CDK6: variants seen among roughly 807,000 people sequenced by gnomAD.
CDK6 encodes the protein cyclin dependent kinase 6.
Under a neutral mutation model 37.1 loss-of-function variants are expected in CDK6, and 6 were observed. The ratio of observed to expected loss-of-function variants is 0.16; its 90% CI spans 0.09 to 0.32. The LOEUF (loss-of-function observed/expected upper bound fraction) is 0.32, where lower values mean the gene tolerates loss of function less well. Ranked by LOEUF, CDK6 falls within the 10% of genes least tolerant of loss-of-function variation. CDK6 has a pLI of 1.00. For synonymous variants in CDK6, 160 were observed against 161.3 expected, an observed-to-expected ratio of 0.99 and a Z score of 0.06; for missense variants, 224 against 418.9, an observed-to-expected ratio of 0.53 and a Z score of 4.06.
In CDK6 at chr7:92,614,728, C is replaced by T; in HGVS notation, c.*412G>A. On this transcript the variant is annotated 3_prime_UTR_variant, in exon 8 of 8. Coordinates refer to ENST00000424848, the MANE Select transcript of CDK6 (RefSeq NM_001145306.2). ...ACACACACACACACACACACACACA[C>T]ATGCACACACACACTCAAAAGTACC... 5 of 271,480 alleles carry T rather than the reference C, an allele frequency of 1.8e-5. No individual in the cohort carries two copies. Among genetic ancestry groups the T allele is most frequent in the South Asian group, 1.0e-4 (1 of 9,742 alleles). The allele number at this position is 271,480 out of a possible 1,614,324, so 16.8% of individuals were successfully genotyped here. A position where few individuals can be genotyped will look rare whatever the true frequency, so the allele number is the denominator to read the frequency against.
chr7:92,614,234 C>G lies in CDK6; in HGVS notation c.*906G>C. ...ACAAAAAAAGGGAAGAAAGGAATTT[C>G]AAACCAGGAAATAAAGGCTTTCTAT... On this transcript the variant is annotated 3_prime_UTR_variant, in exon 8 of 8. Transcript: ENST00000424848. 4.3e-6 allele frequency: 1 copy of G among 232,972 alleles called. No individual in the cohort carries two copies. The highest frequency in any genetic ancestry group is 8.5e-6 in the Non-Finnish European group (1 of 117,924). 14.4% of individuals were successfully genotyped at this position (232,972 alleles called of 1,614,324 possible).
rs114710799 is a variant in CDK6, at chr7:92,621,371, T to C, written c.698+1665A>G. Among the ~76,000 whole-genome samples, 293 of 152,338 alleles carry C rather than the reference T, an allele frequency of 1.9e-3. 2 individuals are homozygous for C. The highest frequency in any genetic ancestry group is 6.8e-3 in the African/African-American group (282 of 41,586). On this transcript the variant is annotated intron_variant, in intron 6 of 7. Transcript: ENST00000424848. ...GCCAAAAGCAGAACTGGCTTTTCTTTGGAAGCAGGTCAAACATGCCGGTCA... is the reference window on the plus strand; with the variant it reads ...GCCAAAAGCAGAACTGGCTTTTCTTCGGAAGCAGGTCAAACATGCCGGTCA...
Position 92,613,832 on chromosome 7 carries a change from G to A in CDK6, c.*1308C>T. The A allele has an allele frequency of 4.3e-6, 1 of 233,172 alleles. No individual in the cohort carries two copies. Among genetic ancestry groups the A allele is most frequent in the Admixed American group, 5.6e-5 (1 of 17,796 alleles). The allele number at this position is 233,172 out of a possible 1,614,324, so 14.4% of individuals were successfully genotyped here. A position where few individuals can be genotyped will look rare whatever the true frequency, so the allele number is the denominator to read the frequency against. ...TAACAAAAGTAAACACCAGGTAGAA[G>A]GACTGCATTAGAGAACATATGTGAC... On this transcript the variant is annotated 3_prime_UTR_variant, in exon 8 of 8. Coordinates refer to ENST00000424848, the MANE Select transcript of CDK6 (RefSeq NM_001145306.2).
At chr7:92,727,954 A>G (rs1174975586) in intron 3 of CDK6, among the ~76,000 whole-genome samples, 5 of 152,192 alleles carry the variant, frequency 3.3e-5, no homozygotes, top group Non-Finnish European at 5.9e-5. Context: ...TGACTAACCT[A>G]AAGTAATGTC....
chr7:92,775,570 A>G (rs1799829438), intron 2 of CDK6, among the ~76,000 whole-genome samples: 1 of 152,178 alleles, frequency 6.6e-6, no homozygotes, highest in African/African-American at 2.4e-5. Flanking sequence ...TTAAAATAAG[A>G]CAAAATTTAA....
intron 5 of CDK6, among the ~76,000 whole-genome samples, chr7:92,640,135 G>A (rs966563777): frequency 1.3e-5 from 2 of 152,186 alleles, no homozygotes; most frequent in African/African-American, 4.8e-5. Context: ...TAGCACAAGA[G>A]AGCACGCCGC....
intron 3 of CDK6, among the ~76,000 whole-genome samples, chr7:92,764,575 T>G (rs752396836): frequency 2.6e-5 from 4 of 152,192 alleles, no homozygotes; most frequent in Non-Finnish European, 5.9e-5. Context: ...TGATTTACCG[T>G]AAGAATCAAT....
Position 92,608,889 on chromosome 7 carries a change from G to A in CDK6, c.*6251C>T. On this transcript the variant is annotated 3_prime_UTR_variant, in exon 8 of 8. Transcript: ENST00000424848. ...CCTGCCAAAGGGGCGGGGCAACGAG[G>A]CAGCGCGCCCGGAAGGCTTTCAAGT... 4.3e-6 allele frequency: 1 copy of A among 232,568 alleles called. No individual in the cohort carries two copies. The highest frequency in any genetic ancestry group is 6.1e-5 in the East Asian group (1 of 16,528). The allele number at this position is 232,568 out of a possible 1,614,324, so 14.4% of individuals were successfully genotyped here.
At chr7:92,747,891 C>T (rs1260540215) in intron 3 of CDK6, among the ~76,000 whole-genome samples, 3 of 152,056 alleles carry the variant, frequency 2.0e-5, no homozygotes, top group Non-Finnish European at 4.4e-5. Context: ...TTTCTTGTTC[C>T]CATATAAAGC....
intron 2 of CDK6, among the ~76,000 whole-genome samples, chr7:92,812,628 G>A (rs940174818): frequency 1.6e-4 from 24 of 152,066 alleles, no homozygotes; most frequent in African/African-American, 5.5e-4. Flanking sequence ...GTCTCACTAC[G>A]TTGCCCAGGC....
chr7:92,767,872 T>C (rs928691318), intron 3 of CDK6, among the ~76,000 whole-genome samples: 2 of 152,236 alleles, frequency 1.3e-5, no homozygotes, highest in Admixed American at 1.3e-4. Context: ...ATAGGTCACA[T>C]TCCTGGTAAA....
intron 5 of CDK6, among the ~76,000 whole-genome samples, chr7:92,646,988 G>A (rs1349517030): frequency 6.6e-6 from 1 of 152,166 alleles, no homozygotes; most frequent in Non-Finnish European, 1.5e-5. Context: ...TTGAGACTAA[G>A]TGACTGAAGA....
intron 4 of CDK6, among the ~76,000 whole-genome samples, chr7:92,680,037 A>T (rs1422271052): frequency 6.6e-6 from 1 of 151,980 alleles, no homozygotes; most frequent in Non-Finnish European, 1.5e-5. Context: ...GTTCTTCAAA[A>T]TTACATATTT....
chr7:92,833,847 G>T lies in CDK6; in HGVS notation c.-367-157C>A. Reference sequence around the variant, plus strand: ...TCTCCCAAGCCGCTTAATCCTTCCTGGTTCCTCCGAGAAAAGCGAAGTTAC... The same window carrying T: ...TCTCCCAAGCCGCTTAATCCTTCCTTGTTCCTCCGAGAAAAGCGAAGTTAC... On this transcript the variant is annotated intron_variant, in intron 1 of 7. Coordinates refer to ENST00000424848, the MANE Select transcript of CDK6 (RefSeq NM_001145306.2). The surrounding 1 kb of genome is among the most constrained non-coding windows in gnomAD (Gnocchi z 6.1). 1 of 399,132 alleles carries T rather than the reference G, an allele frequency of 2.5e-6. No individual in the cohort carries two copies. Among genetic ancestry groups the T allele is most frequent in the East Asian group, 3.6e-5 (1 of 28,050 alleles). 24.7% of individuals were successfully genotyped at this position (399,132 alleles called of 1,614,324 possible).
chr7:92,762,570 C>CTTTTTTTT (rs34827459), intron 3 of CDK6, among the ~76,000 whole-genome samples: 1 of 141,580 alleles, frequency 7.1e-6, no homozygotes. Context: ...CATAGAACAC[C>CTTTTTTTT]TTTTTTTTTT....
chr7:92,710,704 G>C lies in CDK6; in HGVS notation c.537+14922C>G, dbSNP rs188792093. ...AAGGAGACCAAAGCAGAATTGCCTA[G>C]GAAAGGAGAAGCTGATGAGTGATCT... On this transcript the variant is annotated intron_variant, in intron 4 of 7. Coordinates refer to ENST00000424848, the MANE Select transcript of CDK6 (RefSeq NM_001145306.2). 34 of 985,348 alleles carry C rather than the reference G, an allele frequency of 3.5e-5. No individual in the cohort carries two copies. The African/African-American group carries it at 4.9e-4, about 14-fold the overall frequency. 61.0% of individuals were successfully genotyped at this position (985,348 alleles called of 1,614,324 possible).
At chr7:92,655,598 C>T (rs1001191058) in intron 5 of CDK6, among the ~76,000 whole-genome samples, 5 of 152,232 alleles carry the variant, frequency 3.3e-5, no homozygotes, top group African/African-American at 7.2e-5. Context: ...TTGGGCAACA[C>T]AGTGCAAACA....
intron 5 of CDK6, among the ~76,000 whole-genome samples, chr7:92,628,682 T>C (rs998689960): frequency 6.6e-6 from 1 of 152,150 alleles, no homozygotes; most frequent in African/African-American, 2.4e-5. Flanking sequence ...TACGATTAGA[T>C]GTATACACAC....
chr7:92,621,060 T>A (rs191777), intron 6 of CDK6, among the ~76,000 whole-genome samples: 94,759 of 152,178 alleles, frequency 0.62, 30,489 homozygotes, highest in East Asian at 0.79. Context: ...CTATTTGGAC[T>A]GCTGAATATA....
Sources: gnomAD v4.1 joint callset for allele counts (sites outside exome capture counted in the v4.1 genomes callset) on GRCh38, gnomAD v4.1.1 for gene constraint, Gnocchi (gnomAD v3.1) non-coding constraint, MANE v1.5 for transcripts, NCBI Gene and HGNC (gene_info 2026-07-23, HGNC 2026-07-21) for gene names.